The following ACTN1 variants were observed in gnomAD, a reference collection of about 807,000 sequenced individuals.
The protein encoded by ACTN1 is alpha-actinin-1.
A neutral mutation model predicts 119.6 loss-of-function variants in ACTN1; 30 were observed. The observed-to-expected ratio is 0.25, with a 90% CI of 0.19 to 0.34. The LOEUF (loss-of-function observed/expected upper bound fraction) is 0.34, where lower values mean the gene tolerates loss of function less well. Ranked by LOEUF, ACTN1 falls within the 10% of genes least tolerant of loss-of-function variation. The pLI is 1.00. For missense variants in ACTN1, 764 were observed against 1,223.4 expected (o/e 0.62, Z 5.60); for synonymous variants, 429 against 472.6 (o/e 0.91, Z 1.20).
At chr14:68,937,691 T>C (rs1489033741) in intron 1 of ACTN1, among the ~76,000 whole-genome samples, 1 of 152,204 alleles carries the variant, frequency 6.6e-6, no homozygotes, top group East Asian at 1.9e-4. Flanking sequence ...CTGAAAATGG[T>C]ACACAGCTTC....
chr14:68,887,666 T>C, intron 11 of ACTN1: 3 of 1,244,002 alleles, frequency 2.4e-6, no homozygotes, highest in Non-Finnish European at 3.4e-6. Flanking sequence ...ACCCTCCTTC[T>C]TAAAAATGTT....
rs766680774 is a variant in ACTN1, at chr14:68,878,405, C to T, written c.2427+53G>A. 2.0e-6 allele frequency: 3 copies of T among 1,519,890 alleles called. No individual in the cohort carries two copies. The highest frequency in any genetic ancestry group is 4.5e-5 in the East Asian group (2 of 44,072). The allele number at this position is 1,519,890 out of a possible 1,614,324, so 94.2% of individuals were successfully genotyped here. ...GCCACTCCTGGGACTTGGCTGCTCC[C>T]GCCAGCTGGCTGCCTTCTCACCAGG... On this transcript the variant is annotated intron_variant, in intron 20 of 21. Transcript: ENST00000394419. The surrounding 1 kb of genome is among the most constrained non-coding windows in gnomAD (Gnocchi z 4.4).
At chr14:68,930,609 T>C (rs896695442) in intron 1 of ACTN1, among the ~76,000 whole-genome samples, 2 of 152,124 alleles carry the variant, frequency 1.3e-5, no homozygotes, top group African/African-American at 4.8e-5. Context: ...AAAGTATCCA[T>C]GGGAATGCAA....
At chr14:68,944,153 C>T (rs1356606415) in intron 1 of ACTN1, among the ~76,000 whole-genome samples, 1 of 152,180 alleles carries the variant, frequency 6.6e-6, no homozygotes, top group Admixed American at 6.5e-5. Flanking sequence ...CAGAATGGGC[C>T]AGCAGGTTTT....
rs766892856 is a variant in ACTN1 at position 68,878,530 on chromosome 14, G to A, written c.2362-7C>T. On this transcript the variant is annotated splice_polypyrimidine_tract_variant and splice_region_variant and intron_variant, in intron 19 of 21. Coordinates refer to ENST00000394419, the MANE Select transcript of ACTN1 (RefSeq NM_001130004.2). The surrounding 1 kb of genome is among the most constrained non-coding windows in gnomAD (Gnocchi z 4.4). Reference sequence around the variant, plus strand: ...CCATCATGCCTGTCTTCTTCTGTGGGGGGCAGTGGTACCAAGACACAAGGA... The same window carrying A: ...CCATCATGCCTGTCTTCTTCTGTGGAGGGCAGTGGTACCAAGACACAAGGA... The A allele has an allele frequency of 8.7e-6, 14 of 1,609,452 alleles. No individual in the cohort carries two copies. The highest frequency in any genetic ancestry group is 1.1e-5 in the Non-Finnish European group (13 of 1,177,210).
At chr14:68,920,856 C>A (rs2140354153) in intron 3 of ACTN1, 150 bp downstream of exon 3, 3 of 1,119,490 alleles carry the variant, frequency 2.7e-6, no homozygotes, top group Non-Finnish European at 3.8e-6. Flanking sequence ...AATACAAAGC[C>A]TCCACAGGCG....
intron 3 of ACTN1, among the ~76,000 whole-genome samples, chr14:68,915,859 CAG>C (rs1286223053): frequency 2.6e-5 from 4 of 152,184 alleles, no homozygotes; most frequent in African/African-American, 9.6e-5. Flanking sequence ...TCCACTAAAA[CAG>C]AAATTAGGCA....
At chr14:68,930,706 C>T (rs1489637022) in intron 1 of ACTN1, among the ~76,000 whole-genome samples, 1 of 152,210 alleles carries the variant, frequency 6.6e-6, no homozygotes, top group Non-Finnish European at 1.5e-5. Context: ...CTTGACATGG[C>T]TCTGCCTTAA....
chr14:68,912,424 G>C (rs1241875030), intron 3 of ACTN1, among the ~76,000 whole-genome samples, 182 bp from the exon 4 acceptor site: 1 of 152,190 alleles, frequency 6.6e-6, no homozygotes, highest in African/African-American at 2.4e-5. Context: ...TGTCACCCAA[G>C]CTAGCGTGCA....
intron 16 of ACTN1, among the ~76,000 whole-genome samples, chr14:68,881,334 A>C (rs2031489612): frequency 6.6e-6 from 1 of 152,066 alleles, no homozygotes; most frequent in Non-Finnish European, 1.5e-5. Flanking sequence ...AGTCTTGTCC[A>C]TCTCAGGGAC....
chr14:68,900,629 G>GAGT, intron 8 of ACTN1, among the ~76,000 whole-genome samples: 1 of 152,206 alleles, frequency 6.6e-6, no homozygotes, highest in East Asian at 1.9e-4. Flanking sequence ...TCTCGCTTGT[G>GAGT]GTATCCGCTA....
Position 68,930,611 on chromosome 14 carries a change from G to A in ACTN1, c.106-4939C>T, listed in dbSNP as rs973258768. On this transcript the variant is annotated intron_variant, in intron 1 of 21. Transcript: ENST00000394419. ...ATCACTCTGCAGAAAAGTATCCATG[G>A]GAATGCAAGGATTTAGTCACTCTAA... Among the ~76,000 whole-genome samples the A allele has an allele frequency of 4.6e-5, 7 of 152,262 alleles. No homozygotes were observed. In the South Asian group the frequency reaches 1.2e-3, roughly 27 times the overall value.
chr14:68,956,759 C>A (rs1241533364), intron 1 of ACTN1, among the ~76,000 whole-genome samples: 1 of 152,180 alleles, frequency 6.6e-6, no homozygotes, highest in African/African-American at 2.4e-5. Flanking sequence ...CTCTCCTTCA[C>A]AGACCAAAGC....
intron 10 of ACTN1, among the ~76,000 whole-genome samples, chr14:68,891,740 C>A (rs761142418): frequency 2.6e-5 from 4 of 152,090 alleles, no homozygotes; most frequent in Non-Finnish European, 5.9e-5. Context: ...CTGTTTGGTT[C>A]AGGGTGTCAA....
intron 1 of ACTN1, among the ~76,000 whole-genome samples, chr14:68,945,232 G>A (rs1383749325): frequency 6.6e-6 from 1 of 151,036 alleles, no homozygotes; most frequent in African/African-American, 2.4e-5. Context: ...AACAGCAAAG[G>A]CCCCAGAGAA....
In ACTN1 at chr14:68,960,984, C is replaced by A. The variant is rs533936545; in HGVS notation, c.105+17968G>T. 3.3e-5 allele frequency among the ~76,000 whole-genome samples: 5 copies of A among 152,242 alleles called. No individual in the cohort carries two copies. The South Asian group carries it at 1.0e-3, about 32-fold the overall frequency. ...TCAGAGGAGGCTTAGGTGGGAGGATCCCTTGAGCCCAAAAGTTTGAGGCTG... is the reference window on the plus strand; with the variant it reads ...TCAGAGGAGGCTTAGGTGGGAGGATACCTTGAGCCCAAAAGTTTGAGGCTG... On this transcript the variant is annotated intron_variant, in intron 1 of 21. Transcript: ENST00000394419.
chr14:68,923,827 T>C (rs946421228), intron 2 of ACTN1, among the ~76,000 whole-genome samples: 1 of 152,092 alleles, frequency 6.6e-6, no homozygotes, highest in Non-Finnish European at 1.5e-5. Context: ...TTATTCACAA[T>C]ACCCAAAAGG....
At chr14:68,918,580 G>A (rs771096689) in intron 3 of ACTN1, among the ~76,000 whole-genome samples, 2 of 142,016 alleles carry the variant, frequency 1.4e-5, no homozygotes, top group Admixed American at 7.2e-5. Flanking sequence ...GTGAGACTCC[G>A]TCTCAAAAAA....
In ACTN1 at chr14:68,882,827, G is replaced by T; in HGVS notation, c.1818+46C>A. 1 of 1,592,082 alleles carries T rather than the reference G, an allele frequency of 6.3e-7. No individual in the cohort carries two copies. On this transcript the variant is annotated intron_variant, in intron 15 of 21. Coordinates refer to ENST00000394419, the MANE Select transcript of ACTN1 (RefSeq NM_001130004.2). The surrounding 1 kb of genome is among the most constrained non-coding windows in gnomAD (Gnocchi z 4.5). ...TCAATTAAAATGGACAAAAATCCCT[G>T]CCTTTATGAAACTTACAATGGCTCG...
Sources: gnomAD v4.1 joint callset for allele counts (sites outside exome capture counted in the v4.1 genomes callset) on GRCh38, gnomAD v4.1.1 for gene constraint, Gnocchi (gnomAD v3.1) non-coding constraint, MANE v1.5 for transcripts, NCBI Gene and HGNC (gene_info 2026-07-23, HGNC 2026-07-21) for gene names.